MARS2: variants seen among roughly 807,000 people sequenced by gnomAD.
MARS2 encodes the protein methionyl-tRNA synthetase 2, mitochondrial, also known as methionine--tRNA ligase, mitochondrial.
In MARS2, 33 loss-of-function variants were observed where a neutral mutation model predicts 43.8. The ratio of observed to expected loss-of-function variants is 0.75; its 90% CI spans 0.57 to 1.01. The LOEUF is 1.01. Ranked by LOEUF, MARS2 falls within the 50% of genes least tolerant of loss-of-function variation. MARS2 has a pLI of 0.00. For synonymous variants in MARS2, 351 were observed against 325.5 expected, an observed-to-expected ratio of 1.08 and a Z score of -0.84; for missense variants, 720 against 763.0, an observed-to-expected ratio of 0.94 and a Z score of 0.66.
rs545705399 is a variant in MARS2 at position 197,707,627 on chromosome 2, T to C, written c.*440T>C. 44 of 187,558 alleles carry C rather than the reference T, an allele frequency of 2.3e-4. 1 individual carries two copies. In the South Asian group the frequency reaches 5.4e-3, roughly 23 times the overall value. The allele number at this position is 187,558 out of a possible 1,614,324, so 11.6% of individuals were successfully genotyped here. A position where few individuals can be genotyped will look rare whatever the true frequency, so the allele number is the denominator to read the frequency against. ...CAGGGGGATCCTACTTTGTTACACA[T>C]GTTGGGTTTCCTGATAAAAAGAGAG... is the stretch of plus-strand genomic sequence containing the variant. On this transcript the variant is annotated 3_prime_UTR_variant, in exon 1 of 1. Transcript: ENST00000282276.
Position 197,705,649 on chromosome 2 carries a change from A to G in MARS2, c.244A>G (p.Ser82Gly). The change falls in exon 1 of 1, where the codon AGC (serine) becomes GGC (glycine). Residue 82 changes from serine (S) to glycine (G), a missense_variant. Coordinates refer to ENST00000282276, the MANE Select transcript of MARS2 (RefSeq NM_138395.4). ...CCGCCACCGTCGCCTCCGAGGTCCC[A>G]GCACGGCCGCCACGCGATTCTCCAC... ...LCRHRRLRGP[S>G]TAATRFSTGT... 1 of 1,611,484 alleles carries G rather than the reference A, an allele frequency of 6.2e-7. No individual in the cohort carries two copies. The highest frequency in any genetic ancestry group is 8.5e-7 in the Non-Finnish European group (1 of 1,179,902).
Position 197,707,084 on chromosome 2 carries a change from A to G in MARS2, c.1679A>G (p.His560Arg), listed in dbSNP as rs1353344357. 6.2e-7 allele frequency: 1 copy of G among 1,614,126 alleles called. No homozygotes were observed. Among genetic ancestry groups the G allele is most frequent in the Non-Finnish European group, 8.5e-7 (1 of 1,180,020 alleles). Residue 560 changes from histidine (H) to arginine (R), a missense_variant, in exon 1 of 1, where the codon CAT becomes CGT. Physicochemically the swap from His to Arg is conservative, Grantham distance 29 (BLOSUM62 0). Coordinates refer to ENST00000282276, the MANE Select transcript of MARS2 (RefSeq NM_138395.4). ...TATTTCTTGCCTCGATTCTATGGAC[A>G]TCCATGCCCTTTTGAAGGGAGGAGG... is the stretch of plus-strand genomic sequence containing the variant. ...ELYFLPRFYG[H>R]PCPFEGRRLG...
chr2:197,706,760 C>T lies in MARS2; in HGVS notation c.1355C>T (p.Ala452Val), dbSNP rs765604073. 14 of 1,614,112 alleles carry T rather than the reference C, an allele frequency of 8.7e-6. No homozygotes were observed. The highest frequency in any genetic ancestry group is 3.3e-4 in the Middle Eastern group (2 of 6,062). The change falls in exon 1 of 1, where the codon GCA (alanine) becomes GTA (valine). Residue 452 changes from alanine (A) to valine (V), a missense_variant. By Grantham distance (64) the Ala-to-Val change is moderately conservative. Coordinates refer to ENST00000282276, the MANE Select transcript of MARS2 (RefSeq NM_138395.4). ...GCAGAGGATTATGCTCTGGTGAGCG[C>T]AGTGGCCACTTTGCCAAAGCAGGTA... Reference protein sequence around the residue: ...AQAEDYALVSAVATLPKQVAD... With the variant: ...AQAEDYALVSVVATLPKQVAD...
In MARS2 at chr2:197,706,539, C is replaced by T; in HGVS notation, c.1134C>T (p.Gly378=). Residue 378 remains glycine (G), a synonymous_variant, in exon 1 of 1, where the codon GGC becomes GGT. Transcript: ENST00000282276. ...TCCGCTACTTTCTCCTTCGGCAGGG[C>T]GTCCCCAACTGGGACTGTGACTACT... is the stretch of plus-strand genomic sequence containing the variant. The part of the protein sequence containing the change: ...DGFRYFLLRQ[G]VPNWDCDYYD... 2 of 1,614,228 alleles carry T rather than the reference C, an allele frequency of 1.2e-6. No individual in the cohort carries two copies. Among genetic ancestry groups the T allele is most frequent in the Non-Finnish European group, 8.5e-7 (1 of 1,180,052 alleles).
rs762056474 is a variant in MARS2 at position 197,705,969 on chromosome 2, A to G, written c.564A>G (p.Pro188=). Residue 188 remains proline (P), a synonymous_variant, in exon 1 of 1, where the codon CCA becomes CCG. Transcript: ENST00000282276. ...PEAKVTQQPG[P]SGDSFPVSLE... is the part of the protein sequence containing the mutation. ...CCAAGGTCACCCAGCAGCCGGGCCC[A>G]TCGGGGGATTCGTTTCCTGTATCTC... 4.3e-6 allele frequency: 7 copies of G among 1,614,184 alleles called. No homozygotes were observed. The highest frequency in any genetic ancestry group is 5.9e-6 in the Non-Finnish European group (7 of 1,180,034).
chr2:197,706,227 G>C lies in MARS2; in HGVS notation c.822G>C (p.Gln274His). The change falls in exon 1 of 1, where the codon CAG becomes CAC. Residue 274 changes from glutamine to histidine, a missense_variant. By Grantham distance (24) the Gln-to-His change is conservative (BLOSUM62 0). Transcript: ENST00000282276. ...TTCCGGTGCCCGGGGATGATTCGCAGACCATCTATGTATGGCTGGATGCCC... is the reference window on the plus strand; with the variant it reads ...TTCCGGTGCCCGGGGATGATTCGCACACCATCTATGTATGGCTGGATGCCC... The part of the protein sequence containing the change: ...WGIPVPGDDS[Q>H]TIYVWLDALV... 1 of 1,614,260 alleles carries C rather than the reference G, an allele frequency of 6.2e-7. No individual in the cohort carries two copies. Among genetic ancestry groups the C allele is most frequent in the Non-Finnish European group, 8.5e-7 (1 of 1,180,046 alleles).
rs952123402 is a variant in MARS2 at position 197,706,682 on chromosome 2, C to G, written c.1277C>G (p.Thr426Ser). The stretch of plus-strand genomic sequence containing the variant: ...TCTGAGACCTACCCAGCCTTCTGCA[C>G]TACCTGCTTCCCTAGTGAGCCAGGG... Reference protein sequence around the residue: ...NPSETYPAFCTTCFPSEPGLV... With the variant: ...NPSETYPAFCSTCFPSEPGLV... The change falls in exon 1 of 1, where the codon ACT becomes AGT. Residue 426 changes from threonine to serine, a missense_variant. By Grantham distance (58) the Thr-to-Ser change is moderately conservative. Coordinates refer to ENST00000282276, the MANE Select transcript of MARS2 (RefSeq NM_138395.4). 13 of 1,614,010 alleles carry G rather than the reference C, an allele frequency of 8.1e-6. No individual in the cohort carries two copies. The highest frequency in any genetic ancestry group is 1.0e-5 in the Non-Finnish European group (12 of 1,180,052).
Position 197,706,537 on chromosome 2 carries a change from G to A in MARS2, c.1132G>A (p.Gly378Ser), listed in dbSNP as rs775077650. 3.1e-6 allele frequency: 5 copies of A among 1,614,190 alleles called. No individual in the cohort carries two copies. In the South Asian group the frequency reaches 4.4e-5, roughly 14 times the overall value. ...CTTCCGCTACTTTCTCCTTCGGCAG[G>A]GCGTCCCCAACTGGGACTGTGACTA... ...DGFRYFLLRQ[G>S]VPNWDCDYYD... The change falls in exon 1 of 1, where the codon GGC becomes AGC. Residue 378 changes from glycine to serine, a missense_variant. By Grantham distance (56) the Gly-to-Ser change is moderately conservative (BLOSUM62 0). Coordinates refer to ENST00000282276, the MANE Select transcript of MARS2 (RefSeq NM_138395.4).
Position 197,706,599 on chromosome 2 carries a change from G to C in MARS2, c.1194G>C (p.Glu398Asp). Residue 398 changes from glutamate (E) to aspartate (D), a missense_variant, in exon 1 of 1, where the codon GAG becomes GAC. Glu to Asp is a conservative substitution (Grantham distance 45). Transcript: ENST00000282276. ...AGGTGGTTAAGTTGCTGAACTCCGA[G>C]CTGGCAGATGCCTTGGGAGGTCTCT... ...DEKVVKLLNSELADALGGLLN... is the reference protein window; with the variant it reads ...DEKVVKLLNSDLADALGGLLN... The C allele has an allele frequency of 6.2e-7, 1 of 1,614,264 alleles. No individual in the cohort carries two copies. Among genetic ancestry groups the C allele is most frequent in the Non-Finnish European group, 8.5e-7 (1 of 1,180,048 alleles).
At position 197,706,702 on chromosome 2, in the gene MARS2, C is replaced by G. The variant is rs564555725; in HGVS notation, c.1297C>G (p.Pro433Ala). The change falls in exon 1 of 1, where the codon CCA becomes GCA. Residue 433 changes from proline (P) to alanine (A), a missense_variant. Physicochemically the swap from Pro to Ala is conservative, Grantham distance 27 (BLOSUM62 -1). Transcript: ENST00000282276. ...AFCTTCFPSE[P>A]GLVGPSVRAQ... ...CTGCACTACCTGCTTCCCTAGTGAG[C>G]CAGGGTTGGTGGGGCCGTCAGTTCG... The G allele has an allele frequency of 5.7e-4, 924 of 1,614,006 alleles. 14 individuals carry two copies. In the South Asian group the frequency reaches 8.2e-3, roughly 14 times the overall value.
In MARS2 at chr2:197,707,961, A is replaced by C. The variant is rs939905689; in HGVS notation, c.*774A>C. 20 of 166,238 alleles carry C rather than the reference A, an allele frequency of 1.2e-4. No homozygotes were observed. Among genetic ancestry groups the C allele is most frequent in the South Asian group, 6.3e-4 (3 of 4,766 alleles). 10.3% of individuals were successfully genotyped at this position (166,238 alleles called of 1,614,324 possible). A position where few individuals can be genotyped will look rare whatever the true frequency, so the allele number is the denominator to read the frequency against. Reference sequence around the variant, plus strand: ...CTATTGTTTTAATGGAAAGCAAAAAACCCCCCCAAACTTATCAGAATCCTC... The same window carrying C: ...CTATTGTTTTAATGGAAAGCAAAAACCCCCCCCAAACTTATCAGAATCCTC... On this transcript the variant is annotated 3_prime_UTR_variant, in exon 1 of 1. Transcript: ENST00000282276.
At position 197,707,377 on chromosome 2, in the gene MARS2, A is replaced by G; in HGVS notation, c.*190A>G. Reference sequence around the variant, plus strand: ...ATTCATTTCTCTGTGACCATTGATCACTGTCCTTTGTGCATTGTGTGTCTA... The same window carrying G: ...ATTCATTTCTCTGTGACCATTGATCGCTGTCCTTTGTGCATTGTGTGTCTA... On this transcript the variant is annotated 3_prime_UTR_variant, in exon 1 of 1. Coordinates refer to ENST00000282276, the MANE Select transcript of MARS2 (RefSeq NM_138395.4). 1 of 600,342 alleles carries G rather than the reference A, an allele frequency of 1.7e-6. No homozygotes were observed. Among genetic ancestry groups the G allele is most frequent in the Non-Finnish European group, 3.0e-6 (1 of 333,828 alleles). The allele number at this position is 600,342 out of a possible 1,614,324, so 37.2% of individuals were successfully genotyped here. A position where few individuals can be genotyped will look rare whatever the true frequency, so the allele number is the denominator to read the frequency against.
Position 197,705,962 on chromosome 2 carries a change from C to T in MARS2, c.557C>T (p.Pro186Leu). 1 of 1,614,116 alleles carries T rather than the reference C, an allele frequency of 6.2e-7. No homozygotes were observed. The highest frequency in any genetic ancestry group is 8.5e-7 in the Non-Finnish European group (1 of 1,180,014). The change falls in exon 1 of 1, where the codon CCG (proline) becomes CTG (leucine). Residue 186 changes from proline to leucine, a missense_variant. By Grantham distance (98) the Pro-to-Leu change is moderately conservative (BLOSUM62 -3). Transcript: ENST00000282276. ...FLPEAKVTQQ[P>L]GPSGDSFPVS... ...CCTGAGGCCAAGGTCACCCAGCAGC[C>T]GGGCCCATCGGGGGATTCGTTTCCT...
rs143063904 is a variant in MARS2, at chr2:197,705,600, G to C, written c.195G>C (p.Ser65=). 1.2e-6 allele frequency: 2 copies of C among 1,612,812 alleles called. No homozygotes were observed. Among genetic ancestry groups the C allele is most frequent in the East Asian group, 2.2e-5 (1 of 44,898 alleles). Reference sequence around the variant, plus strand: ...CGCCGCACATCGGGCACCTGTACTCGGCACTACTGGCGGACGCCCTATGCC... The same window carrying C: ...CGCCGCACATCGGGCACCTGTACTCCGCACTACTGGCGGACGCCCTATGCC... ...NAAPHIGHLY[S]ALLADALCRH... The change falls in exon 1 of 1, where the codon TCG becomes TCC. Residue 65 remains serine (S), a synonymous_variant. Transcript: ENST00000282276.
At position 197,705,473 on chromosome 2, in the gene MARS2, A is replaced by C. The variant is rs1435001703; in HGVS notation, c.68A>C (p.Asp23Ala). Residue 23 changes from aspartate to alanine, a missense_variant, in exon 1 of 1, where the codon GAC becomes GCC. Asp to Ala is a moderately radical substitution (Grantham distance 126, BLOSUM62 -2). Transcript: ENST00000282276. ...GCTAGTAGGCTGTCTCTCCTGGAGG[A>C]CTTCGGCCCACGCTACTACAGTTCG... is the stretch of plus-strand genomic sequence containing the variant. ...TGASRLSLLE[D>A]FGPRYYSSGS... 2 of 1,612,958 alleles carry C rather than the reference A, an allele frequency of 1.2e-6. No homozygotes were observed. Among genetic ancestry groups the C allele is most frequent in the Non-Finnish European group, 1.7e-6 (2 of 1,179,960 alleles).
chr2:197,705,394 C>A lies in MARS2; in HGVS notation c.-12C>A. 2 of 1,567,158 alleles carry A rather than the reference C, an allele frequency of 1.3e-6. No individual in the cohort carries two copies. Among genetic ancestry groups the A allele is most frequent in the Non-Finnish European group, 1.7e-6 (2 of 1,154,358 alleles). ...AGAACGCCGCCTCCTCCGCTTGCGG[C>A]CGGTCTGCACCATGCTGCGAACGTC... On this transcript the variant is annotated 5_prime_UTR_variant, in exon 1 of 1. Coordinates refer to ENST00000282276, the MANE Select transcript of MARS2 (RefSeq NM_138395.4).
In MARS2 at chr2:197,706,815, T is replaced by C. The variant is rs368899633; in HGVS notation, c.1410T>C (p.Tyr470=). 5.9e-5 allele frequency: 95 copies of C among 1,614,036 alleles called. No individual in the cohort carries two copies. Among genetic ancestry groups the C allele is most frequent in the Non-Finnish European group, 7.3e-5 (86 of 1,180,052 alleles). The part of the protein sequence containing the change: ...VADHYDNFRI[Y]KALEAVSSCV... The stretch of plus-strand genomic sequence containing the variant: ...ACCACTATGATAACTTTCGGATATA[T>C]AAGGCTCTGGAGGCCGTGTCCAGCT... The change falls in exon 1 of 1, where the codon TAT becomes TAC. Residue 470 remains tyrosine (Y), a synonymous_variant. Transcript: ENST00000282276.
In MARS2 at chr2:197,705,882, G is replaced by C. The variant is rs376500755; in HGVS notation, c.477G>C (p.Leu159=). The C allele has an allele frequency of 1.2e-6, 2 of 1,613,948 alleles. No individual in the cohort carries two copies. Among genetic ancestry groups the C allele is most frequent in the African/African-American group, 2.7e-5 (2 of 74,954 alleles). Residue 159 remains leucine, a synonymous_variant, in exon 1 of 1, where the codon CTG becomes CTC. Transcript: ENST00000282276. ...HFWGVLKSRG[L]LYKGVYEGWY... ...GGGGGGTGCTTAAGTCCCGCGGTCT[G>C]CTCTACAAGGGCGTCTATGAAGGTT...
In MARS2 at chr2:197,706,876, G is replaced by T; in HGVS notation, c.1471G>T (p.Ala491Ser). 6.2e-7 allele frequency: 1 copy of T among 1,614,190 alleles called. No individual in the cohort carries two copies. The highest frequency in any genetic ancestry group is 8.5e-7 in the Non-Finnish European group (1 of 1,180,030). The change falls in exon 1 of 1, where the codon GCA becomes TCA. Residue 491 changes from alanine (A) to serine (S), a missense_variant. By Grantham distance (99) the Ala-to-Ser change is moderately conservative (BLOSUM62 1). Coordinates refer to ENST00000282276, the MANE Select transcript of MARS2 (RefSeq NM_138395.4). ...AACTAATGGTTTTGTCCAAAGGCAT[G>T]CACCATGGAAGCTGAACTGGGAGAG... ...RQTNGFVQRH[A>S]PWKLNWESPV...
Sources: allele counts gnomAD v4.1 joint callset, GRCh38; gene constraint gnomAD v4.1.1; transcripts MANE v1.5; gene names NCBI Gene and HGNC (gene_info 2026-07-23, HGNC 2026-07-21).